The following AHCYL2 variants were observed in gnomAD, a reference collection of about 807,000 sequenced individuals.
AHCYL2 encodes adenosylhomocysteinase like 2.
Under a neutral mutation model 81.4 loss-of-function variants are expected in AHCYL2, and 28 were observed. The ratio of observed to expected loss-of-function variants is 0.34; its 90% CI spans 0.25 to 0.47. AHCYL2 has a LOEUF of 0.47. Among genes scored for constraint, AHCYL2 ranks in the 20% least tolerant of loss-of-function variants. The probability of loss-of-function intolerance (pLI) is 1.00; values close to 1 mark genes in which losing one functional copy is unlikely to be tolerated. For missense variants in AHCYL2, 551 were observed against 785.1 expected (o/e 0.70, Z 3.56); for synonymous variants, 272 against 290.2 (o/e 0.94, Z 0.64).
At chr7:129,332,099 TA>T (rs1246743103) in intron 1 of AHCYL2, among the ~76,000 whole-genome samples, 7 of 152,034 alleles carry the variant, frequency 4.6e-5, no homozygotes, top group Admixed American at 6.6e-5. Context: ...AATACTTACA[TA>T]AAAAAAGTTA....
chr7:129,260,164 A>G lies in AHCYL2; in HGVS notation c.363+34725A>G, dbSNP rs557073506. On this transcript the variant is annotated intron_variant, in intron 1 of 16. Transcript: ENST00000325006. Reference sequence around the variant, plus strand: ...TATGCCTGCTTAGCTTGTGCCAGTTAAGGCTTTTTACTTTGATTTTAAGTT... The same window carrying G: ...TATGCCTGCTTAGCTTGTGCCAGTTGAGGCTTTTTACTTTGATTTTAAGTT... 9.3e-5 allele frequency among the ~76,000 whole-genome samples: 14 copies of G among 151,256 alleles called. No individual in the cohort carries two copies. In the South Asian group the frequency reaches 2.9e-3, roughly 32 times the overall value.
chr7:129,244,974 A>T (rs76115584), intron 1 of AHCYL2, among the ~76,000 whole-genome samples: 505 of 152,174 alleles, frequency 3.3e-3, no homozygotes, highest in African/African-American at 0.012. Flanking sequence ...GCGTAGTGTA[A>T]AATCCACCCA....
At position 129,427,090 on chromosome 7, in the gene AHCYL2, G is replaced by A; in HGVS notation, c.*45G>A. The A allele has an allele frequency of 6.4e-7, 1 of 1,570,770 alleles. No individual in the cohort carries two copies. The highest frequency in any genetic ancestry group is 8.8e-7 in the Non-Finnish European group (1 of 1,141,522). ...GAATTTTTAAGGAATAGAACTCCAA[G>A]CCTTTTCTCCACTACTATACAAGAA... On this transcript the variant is annotated 3_prime_UTR_variant, in exon 17 of 17. Transcript: ENST00000325006. The surrounding 1 kb of genome is among the most constrained non-coding windows in gnomAD (Gnocchi z 5.5).
At chr7:129,236,285 C>T (rs1794641483) in intron 1 of AHCYL2, among the ~76,000 whole-genome samples, 1 of 151,966 alleles carries the variant, frequency 6.6e-6, no homozygotes, top group Non-Finnish European at 1.5e-5. Context: ...ACTGCAACCT[C>T]CGTCTTTCAG....
At chr7:129,331,737 G>A (rs756149870) in intron 1 of AHCYL2, among the ~76,000 whole-genome samples, 1 of 151,434 alleles carries the variant, frequency 6.6e-6, no homozygotes, top group Non-Finnish European at 1.5e-5. Flanking sequence ...AGCTACTCTG[G>A]AGGCTGAGGC....
intron 1 of AHCYL2, among the ~76,000 whole-genome samples, chr7:129,316,823 AAAC>A (rs71162593): frequency 0.027 from 4,110 of 152,292 alleles, 104 homozygotes; most frequent in Admixed American, 0.059. Flanking sequence ...TGTAAATGTA[AAAC>A]AACAACAACA....
rs574896416 is a variant in AHCYL2, at chr7:129,378,695, A to G, written c.364-943A>G. Reference sequence around the variant, plus strand: ...ATTACCATTTCCTGAGATTCTTGAAACCTGAATGCAAGTGATTTTGCCTTC... The same window carrying G: ...ATTACCATTTCCTGAGATTCTTGAAGCCTGAATGCAAGTGATTTTGCCTTC... On this transcript the variant is annotated intron_variant, in intron 1 of 16. Coordinates refer to ENST00000325006, the MANE Select transcript of AHCYL2 (RefSeq NM_015328.4). 4.6e-5 allele frequency among the ~76,000 whole-genome samples: 7 copies of G among 152,276 alleles called. 1 individual carries two copies. The South Asian group carries it at 1.2e-3, about 27-fold the overall frequency.
In AHCYL2 at chr7:129,225,317, C is replaced by T. The variant is rs1794170600; in HGVS notation, c.241C>T (p.Pro81Ser). The T allele has an allele frequency of 1.3e-6, 2 of 1,488,646 alleles. No individual in the cohort carries two copies. The highest frequency in any genetic ancestry group is 2.9e-5 in the African/African-American group (2 of 68,656). The allele number at this position is 1,488,646 out of a possible 1,614,324, so 92.2% of individuals were successfully genotyped here. ...AALSPAAGKV[P>S]QASAMKRSDP... ...TCTCAGCCCCGCCGCCGGGAAGGTG[C>T]CTCAGGCGTCGGCCATGAAGCGGAG... The change falls in exon 1 of 17, where the codon CCT (proline) becomes TCT (serine). Residue 81 changes from proline to serine, a missense_variant. This residue lies in a region of AHCYL2 where 235 missense variants were observed against 242.1 expected (regional missense o/e 0.97). Coordinates refer to ENST00000325006, the MANE Select transcript of AHCYL2 (RefSeq NM_015328.4).
chr7:129,311,476 A>G (rs976095273), intron 1 of AHCYL2, among the ~76,000 whole-genome samples: 2 of 152,198 alleles, frequency 1.3e-5, no homozygotes, highest in Admixed American at 6.5e-5. Flanking sequence ...TGCCATCTTT[A>G]TATGTTCTCT....
chr7:129,362,086 T>C (rs1793948851), intron 1 of AHCYL2, among the ~76,000 whole-genome samples: 1 of 152,170 alleles, frequency 6.6e-6, no homozygotes, highest in Non-Finnish European at 1.5e-5. Context: ...ACAAAATAGC[T>C]TCCTGGTGCT....
chr7:129,233,778 C>T (rs1794535822), intron 1 of AHCYL2, among the ~76,000 whole-genome samples: 1 of 152,200 alleles, frequency 6.6e-6, no homozygotes, highest in Admixed American at 6.5e-5. Context: ...AGCCACCGTG[C>T]CCAGCTCTTA....
At chr7:129,232,982 G>A (rs1794501139) in intron 1 of AHCYL2, among the ~76,000 whole-genome samples, 1 of 152,162 alleles carries the variant, frequency 6.6e-6, no homozygotes, top group Admixed American at 6.5e-5. Flanking sequence ...TGTACGGGTT[G>A]AACCTAACCA....
intron 12 of AHCYL2, among the ~76,000 whole-genome samples, chr7:129,416,385 T>C (rs1396452343): frequency 6.6e-6 from 1 of 152,060 alleles, no homozygotes; most frequent in Non-Finnish European, 1.5e-5. Context: ...ATAATAAATA[T>C]GTAAAATTTA....
At chr7:129,370,506 G>A (rs1261389489) in intron 1 of AHCYL2, among the ~76,000 whole-genome samples, 4 of 152,232 alleles carry the variant, frequency 2.6e-5, no homozygotes, top group South Asian at 2.1e-4. Flanking sequence ...AGATCATCCT[G>A]GCTAACACAG....
chr7:129,256,998 C>G (rs1203199114), intron 1 of AHCYL2, among the ~76,000 whole-genome samples: 3 of 152,108 alleles, frequency 2.0e-5, no homozygotes, highest in African/African-American at 7.2e-5. Flanking sequence ...TTTGTCTTGA[C>G]ATGATCCTTT....
chr7:129,319,125 T>C (rs1257554809), intron 1 of AHCYL2, among the ~76,000 whole-genome samples: 1 of 152,084 alleles, frequency 6.6e-6, no homozygotes, highest in Non-Finnish European at 1.5e-5. Context: ...ACAGATAGTT[T>C]AGAAGAAATG....
chr7:129,306,279 A>G (rs1047575814), intron 1 of AHCYL2, among the ~76,000 whole-genome samples: 21 of 151,660 alleles, frequency 1.4e-4, no homozygotes, highest in Non-Finnish European at 2.9e-4. Flanking sequence ...ATTCTTTTGT[A>G]TTCTTTTTTC....
At chr7:129,318,609 G>A (rs953522486) in intron 1 of AHCYL2, among the ~76,000 whole-genome samples, 15 of 152,052 alleles carry the variant, frequency 9.9e-5, no homozygotes, top group Non-Finnish European at 1.8e-4. Flanking sequence ...AAATAAACTC[G>A]TCTCCATACC....
At chr7:129,405,000 T>G (rs2150937788) in intron 7 of AHCYL2, 97 bp from the exon 8 acceptor site, 2 of 686,958 alleles carry the variant, frequency 2.9e-6, no homozygotes, top group South Asian at 4.4e-5. Context: ...CATGGTCTCA[T>G]GCCTACCCAA....
Sources: allele counts gnomAD v4.1 joint callset (sites outside exome capture counted in the v4.1 genomes callset), GRCh38; gene constraint gnomAD v4.1.1; regional missense constraint gnomAD v4.1.1; non-coding constraint Gnocchi (gnomAD v3.1); transcripts MANE v1.5; gene names NCBI Gene and HGNC (gene_info 2026-07-23, HGNC 2026-07-21).